Variants in CTBP2 observed in about 807,000 individuals in gnomAD.
CTBP2 encodes the protein C-terminal binding protein 2.
A neutral mutation model predicts 80.3 loss-of-function variants in CTBP2; 30 were observed. The ratio of observed to expected loss-of-function variants is 0.37; its 90% confidence interval spans 0.28 to 0.51. CTBP2 has a LOEUF of 0.51. Ranked by LOEUF, CTBP2 falls within the 20% of genes least tolerant of loss-of-function variation. CTBP2 has a pLI of 0.93. For missense variants in CTBP2, 1,212 were observed against 1,375.3 expected (o/e 0.88, Z 1.88); for synonymous variants, 594 against 587.4 (o/e 1.01, Z -0.16).
At chr10:125,092,810 G>T (rs780373960) in intron 2 of CTBP2, among the ~76,000 whole-genome samples, 1 of 151,784 alleles carries the variant, frequency 6.6e-6, no homozygotes, top group Non-Finnish European at 1.5e-5. Context: ...TAGGAGCAAC[G>T]ACTTCTACAA....
chr10:124,996,054 T>TTG (rs1326158358), intron 4 of CTBP2: 4 of 150,288 alleles, frequency 2.7e-5, no homozygotes, highest in African/African-American at 7.4e-5. Flanking sequence ...CTTTGTTTTT[T>TTG]TTTTTTTTTT....
chr10:124,992,617 C>G, intron 8 of CTBP2, 78 bp downstream of exon 10: 1 of 1,044,886 alleles, frequency 9.6e-7, no homozygotes, highest in Non-Finnish European at 1.4e-6. Flanking sequence ...GTTAAGCTTC[C>G]GCCAAGTTTG....
intron 1 of CTBP2, among the ~76,000 whole-genome samples, chr10:125,141,140 CAAA>C (rs111428779): frequency 7.8e-6 from 1 of 128,740 alleles, no homozygotes; most frequent in Admixed American, 7.7e-5. Context: ...GAGACTCTGT[CAAA>C]AAAAAAAAAA....
intron 4 of CTBP2, chr10:124,997,763 C>T (rs1449593787): frequency 1.7e-6 from 1 of 600,274 alleles, no homozygotes; most frequent in South Asian, 2.0e-5. Flanking sequence ...TCTTCCAGAA[C>T]CAGCCCAGAT....
At chr10:125,075,073 C>T (rs573567019) in intron 2 of CTBP2, among the ~76,000 whole-genome samples, 20 of 152,302 alleles carry the variant, frequency 1.3e-4, no homozygotes, top group Admixed American at 1.2e-3. Context: ...GGGTAGACAA[C>T]GGTGATCTAA....
chr10:125,047,785 TG>T (rs910067391), intron 2 of CTBP2, among the ~76,000 whole-genome samples: 7 of 152,212 alleles, frequency 4.6e-5, no homozygotes, highest in Non-Finnish European at 7.3e-5. Context: ...ATATATGAAA[TG>T]GGGGAAGATT....
At chr10:125,042,282 G>C (rs537141875) in intron 2 of CTBP2, among the ~76,000 whole-genome samples, 1 of 152,254 alleles carries the variant, frequency 6.6e-6, no homozygotes, top group South Asian at 2.1e-4. Context: ...GCCCTCCTTA[G>C]AGCTGAGCTG....
Position 125,038,331 on chromosome 10 carries a change from C to T in CTBP2, c.58+666G>A, listed in dbSNP as rs764088648. ...GAGCCACCCTGTAGGGCAGTACCAGCAATCACCCTGAGCAAAGAGCAGCCC... is the reference window on the plus strand; with the variant it reads ...GAGCCACCCTGTAGGGCAGTACCAGTAATCACCCTGAGCAAAGAGCAGCCC... On this transcript the variant is annotated intron_variant, in intron 3 of 10. Transcript: ENST00000337195. 2.0e-5 allele frequency among the ~76,000 whole-genome samples: 3 copies of T among 152,038 alleles called. No homozygotes were observed. In the South Asian group the frequency reaches 6.2e-4, roughly 32 times the overall value.
chr10:125,026,129 C>T lies in CTBP2; in HGVS notation c.1631G>A (p.Arg544His), dbSNP rs200256163. 1.5e-5 allele frequency: 24 copies of T among 1,594,042 alleles called. 1 individual carries two copies. The East Asian group carries it at 4.0e-4, about 27-fold the overall frequency. Residue 544 changes from arginine to histidine, a missense_variant, in exon 1 of 9, where the codon CGC becomes CAC. By Grantham distance (29) the Arg-to-His change is conservative (BLOSUM62 0). Around this residue, in one of 3 missense-constraint regions of CTBP2, gnomAD observed 848 missense variants for 782.3 expected, o/e 1.08. Coordinates refer to ENST00000309035, the MANE Select transcript of CTBP2 (RefSeq NM_022802.3). The stretch of plus-strand genomic sequence containing the variant: ...GGACACGATGATGGGTGCCCCTGTG[C>T]GCCGGGCCACCTTCTGGTACGGTGA...
At chr10:125,063,621 C>T (rs1330209856) in intron 2 of CTBP2, among the ~76,000 whole-genome samples, 1 of 152,170 alleles carries the variant, frequency 6.6e-6, no homozygotes, top group African/African-American at 2.4e-5. Flanking sequence ...CTGATTCCTA[C>T]CAAATGAAGC....
rs192873756 is a variant in CTBP2, at chr10:125,094,365, C to T, written c.-102+16625G>A. On this transcript the variant is annotated intron_variant, in intron 2 of 10. Coordinates refer to the CTBP2 transcript ENST00000337195. ...GAGCCAAGCACCAGGCATGTGGCGA[C>T]GGCTCAGAGCAGGGCCCTTCCATCT... Among the ~76,000 whole-genome samples the T allele has an allele frequency of 1.6e-3, 251 of 152,274 alleles. 3 individuals carry two copies. The highest frequency in any genetic ancestry group is 1.5e-3 in the Admixed American group (23 of 15,298).
At chr10:125,103,410 C>T (rs1850943302) in intron 2 of CTBP2, among the ~76,000 whole-genome samples, 1 of 152,196 alleles carries the variant, frequency 6.6e-6, no homozygotes, top group South Asian at 2.1e-4. Flanking sequence ...GTTCTAAGTT[C>T]GTAGTCAGAG....
At chr10:125,128,396 G>A (rs1855608821) in intron 1 of CTBP2, among the ~76,000 whole-genome samples, 1 of 152,192 alleles carries the variant, frequency 6.6e-6, no homozygotes, top group South Asian at 2.1e-4. Flanking sequence ...GAGGAAGCAG[G>A]GGAAGGGAGA....
intron 1 of CTBP2, among the ~76,000 whole-genome samples, chr10:125,118,311 T>C (rs1406075659): frequency 1.3e-5 from 2 of 152,108 alleles, no homozygotes. Context: ...AAGTGCCCCA[T>C]CCGAAGTGGC....
intron 2 of CTBP2, among the ~76,000 whole-genome samples, chr10:125,052,377 A>C (rs1962988265): frequency 6.6e-6 from 1 of 152,200 alleles, no homozygotes; most frequent in South Asian, 2.1e-4. Context: ...GCTGACCCCC[A>C]CAACACGCAG....
In CTBP2 at chr10:125,060,660, G is replaced by C. The variant is rs1446741804; in HGVS notation, c.-101-21505C>G. Among the ~76,000 whole-genome samples the C allele has an allele frequency of 2.0e-5, 3 of 152,378 alleles. 1 individual carries two copies. In the South Asian group the frequency reaches 6.2e-4, roughly 32 times the overall value. On this transcript the variant is annotated intron_variant, in intron 2 of 10. Transcript: ENST00000337195. ...TGATTATGTGCAGGGCAGTCATGCGGAAGAGGGATTGGGTGTATTCTGCGT... is the reference window on the plus strand; with the variant it reads ...TGATTATGTGCAGGGCAGTCATGCGCAAGAGGGATTGGGTGTATTCTGCGT...
At chr10:125,029,671 A>G (rs924545875), upstream of CTBP2, among the ~76,000 whole-genome samples, 16 of 152,184 alleles carry the variant, frequency 1.1e-4, no homozygotes, top group African/African-American at 3.9e-4. Flanking sequence ...GTGCATGCAC[A>G]CCCCTCAAAG....
intron 1 of CTBP2, among the ~76,000 whole-genome samples, chr10:125,004,323 G>C (rs1298841528): frequency 6.6e-6 from 1 of 152,222 alleles, no homozygotes; most frequent in Non-Finnish European, 1.5e-5. Context: ...TGCACATACA[G>C]GGCAGACACC....
chr10:125,062,122 C>T (rs1482303305), intron 2 of CTBP2, among the ~76,000 whole-genome samples: 2 of 152,078 alleles, frequency 1.3e-5, no homozygotes, highest in African/African-American at 4.8e-5. Flanking sequence ...CCCACCAGGG[C>T]TGGAGAAGCA....
Sources: gnomAD v4.1 joint callset for allele counts (sites outside exome capture counted in the v4.1 genomes callset) on GRCh38, gnomAD v4.1.1 for gene constraint, gnomAD v4.1.1 regional missense constraint, MANE v1.5 for transcripts, NCBI Gene and HGNC (gene_info 2026-07-23, HGNC 2026-07-21) for gene names.